Variants in MINPP1 observed in about 807,000 individuals in gnomAD.
The protein encoded by MINPP1 is multiple inositol-polyphosphate phosphatase 1.
In MINPP1, 28 loss-of-function variants were observed where a neutral mutation model predicts 46.1. The ratio of observed to expected loss-of-function variants is 0.61; its 90% CI spans 0.45 to 0.83. The LOEUF is 0.83. MINPP1 is among the 40% of genes least tolerant of loss of function. The pLI is 0.00. For missense variants in MINPP1, 603 were observed against 610.0 expected, an observed-to-expected ratio of 0.99 and a Z score of 0.12; for synonymous variants, 268 against 249.1, an observed-to-expected ratio of 1.08 and a Z score of -0.72.
chr10:87,508,684 CT>C, intron 2 of MINPP1, 151 bp downstream of exon 2: 1 of 721,052 alleles, frequency 1.4e-6, no homozygotes, highest in Non-Finnish European at 2.3e-6. Flanking sequence ...AATTGTATAC[CT>C]TGTGCTTACT....
chr10:87,537,968 T>C (rs1017943635), intron 4 of MINPP1, among the ~76,000 whole-genome samples: 9 of 151,854 alleles, frequency 5.9e-5, no homozygotes, highest in Admixed American at 4.6e-4. Flanking sequence ...ATGGAACTTA[T>C]TTTTATTTAT....
intron 4 of MINPP1, among the ~76,000 whole-genome samples, chr10:87,538,297 A>G (rs1851767328): frequency 6.6e-6 from 1 of 152,020 alleles, no homozygotes; most frequent in South Asian, 2.1e-4. Context: ...TCTCACTCCC[A>G]TCTCAGCTGC....
chr10:87,525,614 G>A (rs560433821), intron 4 of MINPP1, among the ~76,000 whole-genome samples: 11 of 152,148 alleles, frequency 7.2e-5, no homozygotes, highest in African/African-American at 2.4e-4. Context: ...TGTTACATAT[G>A]TATACATGTG....
In MINPP1 at chr10:87,504,999, G is replaced by A; in HGVS notation, c.84G>A (p.Ala28=). The part of the protein sequence containing the change: ...ALAAALLSSL[A]RCSLLEPRDP... ...CTGCGGCGCTGCTCTCGTCGCTTGCGCGCTGCTCTCTTCTAGAGCCGAGGG... is the reference window on the plus strand; with the variant it reads ...CTGCGGCGCTGCTCTCGTCGCTTGCACGCTGCTCTCTTCTAGAGCCGAGGG... Residue 28 remains alanine, a synonymous_variant, in exon 1 of 5, where the codon GCG becomes GCA. Coordinates refer to ENST00000371996, the MANE Select transcript of MINPP1 (RefSeq NM_004897.5). The A allele has an allele frequency of 6.2e-7, 1 of 1,612,746 alleles. No homozygotes were observed. Among genetic ancestry groups the A allele is most frequent in the African/African-American group, 1.3e-5 (1 of 75,050 alleles).
chr10:87,533,333 A>G (rs926233319), intron 4 of MINPP1, among the ~76,000 whole-genome samples: 3 of 152,082 alleles, frequency 2.0e-5, no homozygotes, highest in African/African-American at 4.8e-5. Context: ...AGCTCCTTGC[A>G]TTTTATTAGG....
chr10:87,518,255 G>A (rs965329282), intron 3 of MINPP1, among the ~76,000 whole-genome samples: 3 of 151,016 alleles, frequency 2.0e-5, no homozygotes, highest in Admixed American at 6.6e-5. Flanking sequence ...CACCGCACCC[G>A]GCCCTTTTTT....
At chr10:87,523,977 A>G (rs760766690) in intron 4 of MINPP1, among the ~76,000 whole-genome samples, 8 of 152,236 alleles carry the variant, frequency 5.3e-5, no homozygotes, top group African/African-American at 9.6e-5. Flanking sequence ...TAGATTTAGC[A>G]TAATTCTTAC....
rs1851237511 is a variant in MINPP1, at chr10:87,505,717, A to T, written c.637+165A>T. On this transcript the variant is annotated intron_variant, in intron 1 of 4. Coordinates refer to ENST00000371996, the MANE Select transcript of MINPP1 (RefSeq NM_004897.5). The surrounding 1 kb of genome is among the most constrained non-coding windows in gnomAD (Gnocchi z 4.4). ...CGTCCTCCCTGTCGAGGGATATTAC[A>T]GACTTGGCTATCTCTTTTTCCCCTT... Among the ~76,000 whole-genome samples the T allele has an allele frequency of 6.6e-6, 1 of 152,066 alleles. No individual in the cohort carries two copies. Among genetic ancestry groups the T allele is most frequent in the South Asian group, 2.1e-4 (1 of 4,828 alleles).
intron 4 of MINPP1, among the ~76,000 whole-genome samples, chr10:87,527,625 A>G (rs969275652): frequency 1.3e-5 from 2 of 152,044 alleles, no homozygotes; most frequent in East Asian, 1.9e-4. Context: ...GATGAAGCCA[A>G]CCTGATCATG....
rs913727723 is a variant in MINPP1 at position 87,529,793 on chromosome 10, T to G, written c.1067+8624T>G. On this transcript the variant is annotated intron_variant, in intron 4 of 4. Coordinates refer to ENST00000371996, the MANE Select transcript of MINPP1 (RefSeq NM_004897.5). ...AAGTTCTCCTGGATAACATCCTGAA[T>G]AGTGTTTTCCAACTTGGTTCCATTC... 2.6e-5 allele frequency among the ~76,000 whole-genome samples: 4 copies of G among 152,290 alleles called. No individual in the cohort carries two copies. The East Asian group carries it at 5.8e-4, about 22-fold the overall frequency.
At chr10:87,512,509 C>T (rs1851349800) in intron 2 of MINPP1, among the ~76,000 whole-genome samples, 1 of 152,080 alleles carries the variant, frequency 6.6e-6, no homozygotes. Context: ...TCTGTACTTA[C>T]TGCTGCTTCT....
At chr10:87,545,937 A>G (rs970525574) in intron 4 of MINPP1, among the ~76,000 whole-genome samples, 1 of 152,242 alleles carries the variant, frequency 6.6e-6, no homozygotes, top group African/African-American at 2.4e-5. Flanking sequence ...AGAGGCTTAC[A>G]TCATTAGTGA....
intron 4 of MINPP1, among the ~76,000 whole-genome samples, chr10:87,523,183 T>A (rs1001293087): frequency 6.6e-6 from 1 of 152,142 alleles, no homozygotes; most frequent in Non-Finnish European, 1.5e-5. Context: ...TATTTTGACC[T>A]CCTCCCATGA....
intron 3 of MINPP1, among the ~76,000 whole-genome samples, chr10:87,513,487 A>G (rs1474834556): frequency 6.6e-6 from 1 of 152,176 alleles, no homozygotes; most frequent in Non-Finnish European, 1.5e-5. Context: ...CCATTTACAG[A>G]CCTACTTTTA....
At chr10:87,510,298 A>G (rs1851316683) in intron 2 of MINPP1, among the ~76,000 whole-genome samples, 1 of 152,198 alleles carries the variant, frequency 6.6e-6, no homozygotes, top group South Asian at 2.1e-4. Context: ...ATTTTCAGTA[A>G]CTTACTATTT....
In MINPP1 at chr10:87,538,262, T is replaced by C. The variant is rs562741254; in HGVS notation, c.1068-13820T>C. Among the ~76,000 whole-genome samples the C allele has an allele frequency of 5.1e-4, 78 of 152,260 alleles. 1 individual carries two copies. Among genetic ancestry groups the C allele is most frequent in the Admixed American group, 2.7e-3 (41 of 15,280 alleles). On this transcript the variant is annotated intron_variant, in intron 4 of 4. Transcript: ENST00000371996. Reference sequence around the variant, plus strand: ...TCTTCTCAGGTACTCCTGCTGTGAATTCAGCCAGTGTGGCCTCCCTAAATT... The same window carrying C: ...TCTTCTCAGGTACTCCTGCTGTGAACTCAGCCAGTGTGGCCTCCCTAAATT...
chr10:87,537,923 C>T (rs557548029), intron 4 of MINPP1, among the ~76,000 whole-genome samples: 67 of 152,046 alleles, frequency 4.4e-4, no homozygotes, highest in South Asian at 2.7e-3. Context: ...GCATATACCA[C>T]CATGCCTGGC....
chr10:87,505,600 C>T lies in MINPP1; in HGVS notation c.637+48C>T. On this transcript the variant is annotated intron_variant, in intron 1 of 4. Coordinates refer to ENST00000371996, the MANE Select transcript of MINPP1 (RefSeq NM_004897.5). The surrounding 1 kb of genome is among the most constrained non-coding windows in gnomAD (Gnocchi z 4.4). ...TGCTGTCCCGGTCCTCCCACCCGCCCTGGATGCTCTCCCGCCTCCCCCAGA... is the reference window on the plus strand; with the variant it reads ...TGCTGTCCCGGTCCTCCCACCCGCCTTGGATGCTCTCCCGCCTCCCCCAGA... The T allele has an allele frequency of 6.5e-7, 1 of 1,548,096 alleles. No homozygotes were observed. Among genetic ancestry groups the T allele is most frequent in the Non-Finnish European group, 8.7e-7 (1 of 1,150,992 alleles).
At chr10:87,548,250 C>T (rs1361294518) in intron 4 of MINPP1, among the ~76,000 whole-genome samples, 1 of 152,194 alleles carries the variant, frequency 6.6e-6, no homozygotes, top group Non-Finnish European at 1.5e-5. Flanking sequence ...GTTTCTCTAA[C>T]AGACACATGC....
Sources: allele counts gnomAD v4.1 joint callset (sites outside exome capture counted in the v4.1 genomes callset), GRCh38; gene constraint gnomAD v4.1.1; non-coding constraint Gnocchi (gnomAD v3.1); transcripts MANE v1.5; gene names NCBI Gene and HGNC (gene_info 2026-07-23, HGNC 2026-07-21).